HIVEP1: variants seen among roughly 807,000 people sequenced by gnomAD.
HIVEP1 encodes HIVEP zinc finger 1.
HIVEP1 carries 36 observed loss-of-function variants against 180.0 expected under a neutral mutation model. The observed-to-expected ratio is 0.20, with a 90% CI of 0.15 to 0.26. The LOEUF (loss-of-function observed/expected upper bound fraction) is 0.26. HIVEP1 is among the 10% of genes least tolerant of loss of function. The pLI is 1.00. For synonymous variants in HIVEP1, 1,239 were observed against 1,239.0 expected (o/e 1.00, Z 0.00); for missense variants, 3,143 against 3,268.7 (o/e 0.96, Z 0.94).
chr6:12,167,573 T>C (rs200623423), downstream of HIVEP1, among the ~76,000 whole-genome samples: 3,484 of 11,904 alleles, frequency 0.29, 543 homozygotes, highest in East Asian at 0.57. Flanking sequence ...ACATGCATGT[T>C]ATATATACGT....
rs374408884 is a variant in HIVEP1, at chr6:12,129,886, A to T, written c.6203A>T (p.Asp2068Val). 6.5e-7 allele frequency: 1 copy of T among 1,548,326 alleles called. No homozygotes were observed. The highest frequency in any genetic ancestry group is 8.9e-7 in the Non-Finnish European group (1 of 1,128,440). Residue 2068 changes from aspartate to valine, a missense_variant, in exon 5 of 9, where the codon GAT becomes GTT. Asp to Val is a radical substitution (Grantham distance 152). This residue lies in a region of HIVEP1 where 1,357 missense variants were observed against 1,260.5 expected (regional missense o/e 1.08). Coordinates refer to ENST00000379388, the MANE Select transcript of HIVEP1 (RefSeq NM_002114.4). ...KSEPRRIKIF[D>V]GGYKSNEEYV... ...GAACCAAGAAGAATTAAAATATTTGATGGAGGGCAAGTACAAATTTTACTT... is the reference window on the plus strand; with the variant it reads ...GAACCAAGAAGAATTAAAATATTTGTTGGAGGGCAAGTACAAATTTTACTT...
chr6:12,163,316 G>A lies in HIVEP1; in HGVS notation c.7012G>A (p.Ala2338Thr), dbSNP rs1760521902. ...ATCTGTAAGACTTCCTCCTGCTGCA[G>A]CTGAGCACAGCCCCCAGACAGCAGC... is the stretch of plus-strand genomic sequence containing the variant. ...PSSVRLPPAA[A>T]EHSPQTAAGM... The change falls in exon 9 of 9, where the codon GCT (alanine) becomes ACT (threonine). Residue 2338 changes from alanine (A) to threonine (T), a missense_variant. Around this residue, in one of 12 missense-constraint regions of HIVEP1, gnomAD observed 595 missense variants for 602.2 expected, o/e 0.99. Transcript: ENST00000379388. 1 of 1,614,004 alleles carries A rather than the reference G, an allele frequency of 6.2e-7. No homozygotes were observed.
chr6:12,118,468 T>G (rs1480357514), intron 3 of HIVEP1, among the ~76,000 whole-genome samples: 1 of 152,240 alleles, frequency 6.6e-6, no homozygotes, highest in African/African-American at 2.4e-5. Flanking sequence ...TCATGGCAAG[T>G]AATTATTGCT....
downstream of HIVEP1, among the ~76,000 whole-genome samples, chr6:12,168,261 T>TATATATACATATATTATATAC (rs1760799935): frequency 2.7e-5 from 1 of 36,774 alleles, no homozygotes; most frequent in African/African-American, 9.6e-5. Flanking sequence ...GATATACGTG[T>TATATATACATATATTATATAC]ATATATACAT....
Position 12,123,025 on chromosome 6 carries a change from T to C in HIVEP1, c.3230T>C (p.Ile1077Thr), listed in dbSNP as rs762208142. 1 of 1,614,168 alleles carries C rather than the reference T, an allele frequency of 6.2e-7. No individual in the cohort carries two copies. ...AGTTTGCCTAAACATAATGTTACCA[T>C]AAGAAGTGACCAGCAGCATAAAAAT... ...NPSLPKHNVT[I>T]RSDQQHKNIQ... The change falls in exon 4 of 9, where the codon ATA becomes ACA. Residue 1077 changes from isoleucine (I) to threonine (T), a missense_variant. Coordinates refer to ENST00000379388, the MANE Select transcript of HIVEP1 (RefSeq NM_002114.4).
intron 8 of HIVEP1, among the ~76,000 whole-genome samples, chr6:12,162,427 A>T (rs561830295): frequency 6.6e-6 from 1 of 152,344 alleles, no homozygotes; most frequent in South Asian, 2.1e-4. Context: ...CACATCAAGA[A>T]GTTCACTTTG....
At chr6:12,025,768 G>A (rs1373471564) in intron 2 of HIVEP1, among the ~76,000 whole-genome samples, 2 of 152,204 alleles carry the variant, frequency 1.3e-5, no homozygotes, top group African/African-American at 2.4e-5. Context: ...GGCCAAGCTC[G>A]ATGGCTCACG....
chr6:12,088,936 G>A (rs1255002852), intron 2 of HIVEP1, among the ~76,000 whole-genome samples: 1 of 152,238 alleles, frequency 6.6e-6, no homozygotes, highest in Non-Finnish European at 1.5e-5. Flanking sequence ...AGTATCTAAA[G>A]TGTACTAATT....
At chr6:12,042,492 GGT>G (rs924867810) in intron 2 of HIVEP1, among the ~76,000 whole-genome samples, 1 of 149,604 alleles carries the variant, frequency 6.7e-6, no homozygotes, top group Non-Finnish European at 1.5e-5. Flanking sequence ...TGAGATTATA[GGT>G]GTGTGCCCCC....
At chr6:12,092,364 C>T (rs1054332323) in intron 3 of HIVEP1, among the ~76,000 whole-genome samples, 3 of 152,126 alleles carry the variant, frequency 2.0e-5, no homozygotes, top group African/African-American at 7.2e-5. Flanking sequence ...TAACGTTGTT[C>T]CTAAGATTCA....
Position 12,123,949 on chromosome 6 carries a change from G to A in HIVEP1, c.4154G>A (p.Ser1385Asn). The change falls in exon 4 of 9, where the codon AGC becomes AAC. Residue 1385 changes from serine (S) to asparagine (N), a missense_variant. Around this residue, in one of 12 missense-constraint regions of HIVEP1, gnomAD observed 1,357 missense variants for 1,260.5 expected, o/e 1.08. Coordinates refer to ENST00000379388, the MANE Select transcript of HIVEP1 (RefSeq NM_002114.4). ...TCAATGGAGGTCTCTGATCTCAGAA[G>A]CAAATCATTCGATTGTGGAAGCATC... ...QTSMEVSDLRSKSFDCGSITP... is the reference protein window; with the variant it reads ...QTSMEVSDLRNKSFDCGSITP... 6.2e-7 allele frequency: 1 copy of A among 1,614,132 alleles called. No homozygotes were observed. Among genetic ancestry groups the A allele is most frequent in the Non-Finnish European group, 8.5e-7 (1 of 1,180,012 alleles).
At chr6:12,168,937 T>C (rs1467369717), downstream of HIVEP1, among the ~76,000 whole-genome samples, 4 of 151,896 alleles carry the variant, frequency 2.6e-5, no homozygotes, top group Non-Finnish European at 5.9e-5. Flanking sequence ...GCCCAGGCTG[T>C]AGTGCAGTGG....
chr6:12,161,748 A>G lies in HIVEP1; in HGVS notation c.6797A>G (p.Asp2266Gly). The G allele has an allele frequency of 6.2e-7, 1 of 1,614,122 alleles. No individual in the cohort carries two copies. The highest frequency in any genetic ancestry group is 8.5e-7 in the Non-Finnish European group (1 of 1,179,972). The change falls in exon 8 of 9, where the codon GAC becomes GGC. Residue 2266 changes from aspartate to glycine, a missense_variant. Physicochemically the swap from Asp to Gly is moderately conservative, Grantham distance 94 (BLOSUM62 -1). Transcript: ENST00000379388. ...ACTGTCCTGAGCACAGCACAGTCTG[A>G]CTACAATAGGAAGACACTCTCTCCG... Reference protein sequence around the residue: ...RMTVLSTAQSDYNRKTLSPGK... With the variant: ...RMTVLSTAQSGYNRKTLSPGK...
At chr6:12,105,410 G>T (rs1452203019) in intron 3 of HIVEP1, among the ~76,000 whole-genome samples, 1 of 152,140 alleles carries the variant, frequency 6.6e-6, no homozygotes, top group Non-Finnish European at 1.5e-5. Flanking sequence ...ATCAAAAGGA[G>T]CCCCAGCTAC....
chr6:12,135,145 G>C (rs1758636160), intron 6 of HIVEP1, among the ~76,000 whole-genome samples: 1 of 152,162 alleles, frequency 6.6e-6, no homozygotes, highest in Admixed American at 6.5e-5. Context: ...TAGTCCTCCT[G>C]TCCAGTGACT....
intron 7 of HIVEP1, among the ~76,000 whole-genome samples, chr6:12,153,570 G>T (rs1759831947): frequency 2.2e-4 from 2 of 9,176 alleles, no homozygotes; most frequent in South Asian, 3.8e-3. Flanking sequence ...AGTAAGAAAT[G>T]CAAAAAAAAA....
intron 2 of HIVEP1, among the ~76,000 whole-genome samples, chr6:12,039,602 G>A (rs1483429587): frequency 6.6e-6 from 1 of 152,138 alleles, no homozygotes; most frequent in Non-Finnish European, 1.5e-5. Flanking sequence ...GCGTTGGTTT[G>A]TGTGTAGGAG....
At chr6:12,211,261 G>C in the HIVEP1 span, among the ~76,000 whole-genome samples, 5 of 96,612 alleles carry the variant, frequency 5.2e-5, no homozygotes, top group African/African-American at 1.0e-4. Context: ...TTAGCCGGGC[G>C]TGGTGGCAGG....
chr6:12,051,001 CATATATATATATATATATAT>C lies in HIVEP1; in HGVS notation c.40+35344_40+35363del, dbSNP rs1161977899. Among the ~76,000 whole-genome samples the C allele has an allele frequency of 5.4e-4, 42 of 77,634 alleles. 1 individual carries two copies. The highest frequency in any genetic ancestry group is 1.6e-3 in the African/African-American group (36 of 23,038). The allele number at this position is 77,634 out of a possible 152,430, so 50.9% of individuals were successfully genotyped here. A position where few individuals can be genotyped will look rare whatever the true frequency, so the allele number is the denominator to read the frequency against. On this transcript the variant is annotated intron_variant, in intron 2 of 8. Transcript: ENST00000379388. ...CATGTGTGTAGCAGATACACAAGTG[CATATATATATATATATATAT>C]ATATATATATGTATATTAAAATAAA...
Sources: allele counts gnomAD v4.1 joint callset (sites outside exome capture counted in the v4.1 genomes callset), GRCh38; gene constraint gnomAD v4.1.1; regional missense constraint gnomAD v4.1.1; transcripts MANE v1.5; gene names NCBI Gene and HGNC (gene_info 2026-07-23, HGNC 2026-07-21).